SBNO2: variants seen among roughly 807,000 people sequenced by gnomAD.
SBNO2 encodes the protein strawberry notch homolog 2.
In SBNO2, 89 loss-of-function variants were observed where a neutral mutation model predicts 146.3. The observed-to-expected ratio is 0.61, with a 90% CI of 0.51 to 0.73. The LOEUF (loss-of-function observed/expected upper bound fraction) is 0.73. SBNO2 is among the 30% of genes least tolerant of loss of function. The probability of loss-of-function intolerance (pLI) is 0.00; values close to 1 mark genes in which losing one functional copy is unlikely to be tolerated. For synonymous variants in SBNO2, 1,147 were observed against 892.6 expected (o/e 1.29, Z -5.08); for missense variants, 2,092 against 2,003.7 (o/e 1.04, Z -0.84).
chr19:1,164,438 GAGGAGGAGGAGA>G (rs2080383669), intron 1 of SBNO2, among the ~76,000 whole-genome samples: 1 of 147,704 alleles, frequency 6.8e-6, no homozygotes, highest in Admixed American at 6.7e-5. Context: ...GGAGGAGGAG[GAGGAGGAGGAGA>G]AACAGGTGCT....
rs2072283 is a variant in SBNO2 at position 1,116,118 on chromosome 19, C to T, written c.1803-15G>A. 0.048 allele frequency: 76,794 copies of T among 1,599,818 alleles called. 3,439 individuals carry two copies. The highest frequency in any genetic ancestry group is 0.25 in the East Asian group (11,133 of 44,714). On this transcript the variant is annotated splice_polypyrimidine_tract_variant and intron_variant, in intron 16 of 31. Coordinates refer to ENST00000361757, the MANE Select transcript of SBNO2 (RefSeq NM_014963.3). ...GGAACACGCCTCTGAAAGTGAGACG[C>T]GGAGTTTATTCTCACACGAGGAGCT...
At position 1,158,784 on chromosome 19, in the gene SBNO2, G is replaced by A. The variant is rs547781562; in HGVS notation, c.-126-4382C>T. Among the ~76,000 whole-genome samples the A allele has an allele frequency of 1.3e-3, 203 of 152,256 alleles. 1 individual carries two copies. The highest frequency in any genetic ancestry group is 4.6e-3 in the African/African-American group (191 of 41,544). Reference sequence around the variant, plus strand: ...TGAAGATGGCAAGGAGCAGGCCCCCGGGTGTCCCGGGAACCCCGCACAGAG... The same window carrying A: ...TGAAGATGGCAAGGAGCAGGCCCCCAGGTGTCCCGGGAACCCCGCACAGAG... On this transcript the variant is annotated intron_variant, in intron 1 of 31. Transcript: ENST00000361757. The surrounding 1 kb of genome is among the most constrained non-coding windows in gnomAD (Gnocchi z 9.9).
At chr19:1,163,696 A>T (rs2145340440) in intron 1 of SBNO2, among the ~76,000 whole-genome samples, 1 of 152,350 alleles carries the variant, frequency 6.6e-6, no homozygotes, top group East Asian at 1.9e-4. Context: ...GGCACAGGCC[A>T]GGCGGCGCCG....
chr19:1,126,770 A>G lies in SBNO2; in HGVS notation c.441+834T>C, dbSNP rs2079970317. ...GGCGCTCAGTCCCAGAGACATGTCC[A>G]ACGTCTGCTCCCAAAGTCTAGAAGC... On this transcript the variant is annotated intron_variant, in intron 5 of 31. Transcript: ENST00000361757. This position sits in a 1 kb window ranked among gnomAD's most constrained non-coding sequence, Gnocchi z 4.4. Among the ~76,000 whole-genome samples the G allele has an allele frequency of 6.6e-6, 1 of 152,202 alleles. No individual in the cohort carries two copies. Among genetic ancestry groups the G allele is most frequent in the Non-Finnish European group, 1.5e-5 (1 of 68,020 alleles).
chr19:1,113,163 A>G (rs2079787711), intron 19 of SBNO2, among the ~76,000 whole-genome samples: 1 of 152,076 alleles, frequency 6.6e-6, no homozygotes, highest in East Asian at 1.9e-4. Flanking sequence ...CGGCGCCACG[A>G]AGTGAAAAAG....
Position 1,112,917 on chromosome 19 carries a change from C to T in SBNO2, c.2280G>A (p.Arg760=). The T allele has an allele frequency of 1.3e-6, 2 of 1,568,388 alleles. No individual in the cohort carries two copies. Among genetic ancestry groups the T allele is most frequent in the African/African-American group, 1.4e-5 (1 of 73,868 alleles). The change falls in exon 20 of 32, where the codon AGG becomes AGA. Residue 760 remains arginine (R), a synonymous_variant. Transcript: ENST00000361757. This position sits in a 1 kb window ranked among gnomAD's most constrained non-coding sequence, Gnocchi z 5.9. ...MTGRKGRVVS[R]PDGTVAFESR... ...ACTCGAAGGCCACCGTCCCGTCGGG[C>T]CTGGACACCACGCGGCCTTTCCTGC...
intron 17 of SBNO2, among the ~76,000 whole-genome samples, chr19:1,114,992 C>A (rs948400967): frequency 1.3e-5 from 2 of 151,610 alleles, no homozygotes; most frequent in Non-Finnish European, 1.5e-5. Context: ...TGCAGTGGTG[C>A]GATCTCAGCT....
intron 4 of SBNO2, among the ~76,000 whole-genome samples, chr19:1,128,510 A>C (rs2079993237): frequency 6.6e-6 from 1 of 151,490 alleles, no homozygotes; most frequent in Non-Finnish European, 1.5e-5. Flanking sequence ...CTCCTGCCTC[A>C]GCCTCCCGAG....
At position 1,144,550 on chromosome 19, in the gene SBNO2, A is replaced by G. The variant is rs1356040183; in HGVS notation, c.279+2759T>C. On this transcript the variant is annotated intron_variant, in intron 4 of 31. Coordinates refer to ENST00000361757, the MANE Select transcript of SBNO2 (RefSeq NM_014963.3). This position sits in a 1 kb window ranked among gnomAD's most constrained non-coding sequence, Gnocchi z 4.1. ...TGGAGACGGAGACAGAGACAGAGAC[A>G]TGGAGAGAGACAGAGACAGGGAGAC... Among the ~76,000 whole-genome samples the G allele has an allele frequency of 6.6e-6, 1 of 151,850 alleles. No homozygotes were observed. The highest frequency in any genetic ancestry group is 1.5e-5 in the Non-Finnish European group (1 of 67,938).
intron 11 of SBNO2, among the ~76,000 whole-genome samples, chr19:1,120,995 G>C (rs1310277316): frequency 6.6e-6 from 1 of 152,036 alleles, no homozygotes; most frequent in Non-Finnish European, 1.5e-5. Context: ...GGGTTCAAGC[G>C]ATTCTCCTGC....
At chr19:1,127,379 T>A in intron 5 of SBNO2, 1 of 590,374 alleles carries the variant, frequency 1.7e-6, no homozygotes, top group Non-Finnish European at 3.0e-6. Context: ...ACCGCCCAGA[T>A]GTGGTAGCCA....
At chr19:1,123,495 T>G in intron 7 of SBNO2, 39 bp downstream of exon 7, 1 of 1,576,238 alleles carries the variant, frequency 6.3e-7, no homozygotes, top group Non-Finnish European at 8.7e-7. Flanking sequence ...CAAAAGGGTT[T>G]GAACCTGTCC....
intron 1 of SBNO2, chr19:1,155,185 C>A (rs1030070791): frequency 6.6e-6 from 1 of 152,246 alleles, no homozygotes. Context: ...GAAGGGGAGG[C>A]GGCGGCCACT....
At position 1,117,434 on chromosome 19, in the gene SBNO2, G is replaced by A; in HGVS notation, c.1593C>T (p.Ser531=). 6.3e-7 allele frequency: 1 copy of A among 1,590,074 alleles called. No homozygotes were observed. Among genetic ancestry groups the A allele is most frequent in the South Asian group, 1.1e-5 (1 of 87,186 alleles). ...GTGCCGACCAGAACTGGCCCCACAG[G>A]GACTTGCGCGACTCCAGGCCGATCC... ...ADWIGLESRK[S]LWGQFWSAHQ... Residue 531 remains serine, a synonymous_variant, in exon 15 of 32, where the codon TCC becomes TCT. Transcript: ENST00000361757.
Position 1,157,590 on chromosome 19 carries a change from C to A in SBNO2, c.-126-3188G>T, listed in dbSNP as rs199972146. Among the ~76,000 whole-genome samples, 8 of 152,286 alleles carry A rather than the reference C, an allele frequency of 5.3e-5. No individual in the cohort carries two copies. The East Asian group carries it at 1.5e-3, about 29-fold the overall frequency. On this transcript the variant is annotated intron_variant, in intron 1 of 31. Coordinates refer to ENST00000361757, the MANE Select transcript of SBNO2 (RefSeq NM_014963.3). This position sits in a 1 kb window ranked among gnomAD's most constrained non-coding sequence, Gnocchi z 6.8. The stretch of plus-strand genomic sequence containing the variant: ...GGGGGTTGGGGGGGCGGGGGTCACA[C>A]GGTTCCCACCTTGGGAGGGGGCCCG...
chr19:1,156,242 G>A (rs2080288823), intron 1 of SBNO2, among the ~76,000 whole-genome samples: 1 of 152,182 alleles, frequency 6.6e-6, no homozygotes, highest in African/African-American at 2.4e-5. Flanking sequence ...GCCCCTTCCA[G>A]GCGGCAACCC....
intron 1 of SBNO2, among the ~76,000 whole-genome samples, chr19:1,170,331 G>A (rs1466383924): frequency 6.6e-6 from 1 of 152,182 alleles, no homozygotes. Context: ...GTGACCACGG[G>A]GCTGGCAGTC....
intron 1 of SBNO2, among the ~76,000 whole-genome samples, chr19:1,156,629 T>A (rs778492166): frequency 6.6e-6 from 1 of 152,130 alleles, no homozygotes; most frequent in Non-Finnish European, 1.5e-5. Flanking sequence ...TGGACCAGCA[T>A]GTGGCGTGGC....
rs1435899403 is a variant in SBNO2, at chr19:1,158,509, G to A, written c.-126-4107C>T. 6.6e-6 allele frequency among the ~76,000 whole-genome samples: 1 copy of A among 152,010 alleles called. No homozygotes were observed. The highest frequency in any genetic ancestry group is 1.5e-5 in the Non-Finnish European group (1 of 67,974). On this transcript the variant is annotated intron_variant, in intron 1 of 31. Transcript: ENST00000361757. This position sits in a 1 kb window ranked among gnomAD's most constrained non-coding sequence, Gnocchi z 9.9. ...AACCGAGACCACGGGAGGACCCAGG[G>A]CGCACGGCACACCCCAGAGCGCTCC...
Sources: gnomAD v4.1 joint callset for allele counts (sites outside exome capture counted in the v4.1 genomes callset) on GRCh38, gnomAD v4.1.1 for gene constraint, Gnocchi (gnomAD v3.1) non-coding constraint, MANE v1.5 for transcripts, NCBI Gene and HGNC (gene_info 2026-07-23, HGNC 2026-07-21) for gene names.